CNTNAP2: variants seen among roughly 807,000 people sequenced by gnomAD.
CNTNAP2 encodes the protein contactin associated protein 2.
Under a neutral mutation model 155.2 loss-of-function variants are expected in CNTNAP2, and 98 were observed. That is an observed-to-expected ratio of 0.63 (90% CI 0.54 to 0.75). The LOEUF is 0.75. Among genes scored for constraint, CNTNAP2 ranks in the 30% least tolerant of loss-of-function variants. The pLI, the probability that CNTNAP2 is intolerant of heterozygous loss-of-function variation, is 0.00. For missense variants in CNTNAP2, 1,727 were observed against 1,688.1 expected (o/e 1.02, Z -0.40); for synonymous variants, 651 against 631.2 (o/e 1.03, Z -0.47).
intron 12 of CNTNAP2, among the ~76,000 whole-genome samples, chr7:147,600,816 C>A (rs934868771): frequency 8.5e-5 from 13 of 152,084 alleles, no homozygotes; most frequent in Admixed American, 7.9e-4. Context: ...TATTCACTAC[C>A]CCTAAACTAT....
chr7:146,158,047 A>G (rs1798156289), intron 1 of CNTNAP2, among the ~76,000 whole-genome samples: 1 of 152,196 alleles, frequency 6.6e-6, no homozygotes, highest in South Asian at 2.1e-4. Context: ...TTCCAGAGGA[A>G]AGATCAGGCA....
At chr7:148,182,480 A>G (rs1795055503) in intron 18 of CNTNAP2, among the ~76,000 whole-genome samples, 1 of 152,148 alleles carries the variant, frequency 6.6e-6, no homozygotes, top group Admixed American at 6.5e-5. Context: ...CGCGCTTATC[A>G]TTTCCAACAG....
chr7:147,951,192 G>C (rs749094497), intron 14 of CNTNAP2, among the ~76,000 whole-genome samples: 5 of 152,316 alleles, frequency 3.3e-5, no homozygotes, highest in African/African-American at 1.2e-4. Flanking sequence ...GAGCCTGGAA[G>C]ACGAAGAATG....
chr7:146,300,386 A>C (rs550410328), intron 1 of CNTNAP2, among the ~76,000 whole-genome samples: 1 of 151,602 alleles, frequency 6.6e-6, no homozygotes, highest in Non-Finnish European at 1.5e-5. Context: ...CCAATGGAAA[A>C]TTGGTACTCT....
chr7:147,472,874 C>T (rs1798249931), intron 10 of CNTNAP2, among the ~76,000 whole-genome samples: 3 of 152,168 alleles, frequency 2.0e-5, no homozygotes, highest in Admixed American at 2.0e-4. Flanking sequence ...AGCAATGCCT[C>T]TGATACCTCT....
rs1795228310 is a variant in CNTNAP2 at position 147,316,083 on chromosome 7, A to G, written c.1498+15793A>G. ...ATGAACATTAATTTACCTATTTTTG[A>G]TTGCACATATGTTTTTCTTTCTCTT... On this transcript the variant is annotated intron_variant, in intron 9 of 23. Transcript: ENST00000361727. 2.6e-5 allele frequency among the ~76,000 whole-genome samples: 4 copies of G among 152,032 alleles called. No individual in the cohort carries two copies. In the South Asian group the frequency reaches 6.2e-4, roughly 24 times the overall value.
chr7:146,757,381 G>A (rs922144813), intron 1 of CNTNAP2, among the ~76,000 whole-genome samples: 11 of 152,104 alleles, frequency 7.2e-5, no homozygotes, highest in African/African-American at 1.2e-4. Flanking sequence ...TCAGCATTTA[G>A]GGGTTTGTTT....
intron 1 of CNTNAP2, among the ~76,000 whole-genome samples, chr7:146,710,610 A>T (rs148651419): frequency 0.023 from 3,498 of 152,022 alleles, 80 homozygotes; most frequent in Non-Finnish European, 0.032. Flanking sequence ...CTATAGGAGC[A>T]CTCTGAGGCA....
chr7:148,108,714 T>A (rs1021946588), intron 15 of CNTNAP2, among the ~76,000 whole-genome samples: 1 of 152,056 alleles, frequency 6.6e-6, no homozygotes, highest in Non-Finnish European at 1.5e-5. Context: ...AATGGGGAGA[T>A]GGTCAAAGAG....
chr7:147,267,409 T>C (rs1804637296), intron 8 of CNTNAP2, among the ~76,000 whole-genome samples: 1 of 152,180 alleles, frequency 6.6e-6, no homozygotes, highest in South Asian at 2.1e-4. Context: ...TGAATAAGAT[T>C]AATTAATTTA....
rs1165388900 is a variant in CNTNAP2, at chr7:147,471,058, C to T, written c.1671-14877C>T. On this transcript the variant is annotated intron_variant, in intron 10 of 23. Transcript: ENST00000361727. ...AGAGTGCTTCAAGGTTAAATGCTGG[C>T]TGCTGATTAGATTTAACAATGTGGA... 2.6e-5 allele frequency among the ~76,000 whole-genome samples: 4 copies of T among 152,246 alleles called. No individual in the cohort carries two copies. In the East Asian group the frequency reaches 7.8e-4, roughly 30 times the overall value.
Position 147,752,699 on chromosome 7 carries a change from C to A in CNTNAP2, c.2098+113393C>A, listed in dbSNP as rs554006261. Among the ~76,000 whole-genome samples, 7 of 152,258 alleles carry A rather than the reference C, an allele frequency of 4.6e-5. No individual in the cohort carries two copies. The East Asian group carries it at 1.4e-3, about 29-fold the overall frequency. ...CGCTGAGGTCAGTTTTCATAGCAGT[C>A]CAATTCCAGATGTGATCATAGCGTC... is the stretch of plus-strand genomic sequence containing the variant. On this transcript the variant is annotated intron_variant, in intron 13 of 23. Coordinates refer to ENST00000361727, the MANE Select transcript of CNTNAP2 (RefSeq NM_014141.6).
chr7:146,472,757 A>G (rs1211004327), intron 1 of CNTNAP2, among the ~76,000 whole-genome samples: 1 of 151,878 alleles, frequency 6.6e-6, no homozygotes, highest in Non-Finnish European at 1.5e-5. Context: ...CGTAGTTGGT[A>G]TTTTGCAAGG....
intron 1 of CNTNAP2, among the ~76,000 whole-genome samples, chr7:146,375,349 G>GA (rs1439987716): frequency 6.6e-6 from 1 of 152,224 alleles, no homozygotes; most frequent in East Asian, 1.9e-4. Flanking sequence ...GACATGCGGA[G>GA]ACCAGAGCAG....
chr7:148,068,979 A>G (rs1803323591), intron 15 of CNTNAP2, among the ~76,000 whole-genome samples: 1 of 152,126 alleles, frequency 6.6e-6, no homozygotes. Flanking sequence ...CTGTCTCCTC[A>G]AGTAAGGAGC....
chr7:148,044,275 C>T lies in CNTNAP2; in HGVS notation c.2383+66286C>T, dbSNP rs1024428418. Reference sequence around the variant, plus strand: ...TCTAGCTCCGACCCAAGGGGGTTCCCGGGACGTGGTTGTGGATGTTCAGTG... The same window carrying T: ...TCTAGCTCCGACCCAAGGGGGTTCCTGGGACGTGGTTGTGGATGTTCAGTG... On this transcript the variant is annotated intron_variant, in intron 15 of 23. Transcript: ENST00000361727. 4.0e-5 allele frequency among the ~76,000 whole-genome samples: 6 copies of T among 150,598 alleles called. No individual in the cohort carries two copies. The South Asian group carries it at 6.3e-4, about 16-fold the overall frequency.
At chr7:148,284,651 A>C (rs1797049936) in intron 21 of CNTNAP2, among the ~76,000 whole-genome samples, 1 of 151,646 alleles carries the variant, frequency 6.6e-6, no homozygotes, top group East Asian at 1.9e-4. Context: ...TAGCATAAAG[A>C]CTGGCTGTCA....
chr7:148,118,275 G>A lies in CNTNAP2; in HGVS notation c.2541G>A (p.Lys847=), dbSNP rs746676806. 34 of 1,614,012 alleles carry A rather than the reference G, an allele frequency of 2.1e-5. No individual in the cohort carries two copies. Among genetic ancestry groups the A allele is most frequent in the Non-Finnish European group, 2.6e-5 (31 of 1,180,020 alleles). ...LENMGKEDFI[K]LELKSATEVS... is the part of the protein sequence containing the mutation. ...ATATGGGAAAGGAAGATTTCATCAA[G>A]CTGGAGCTGAAGTGTGAGTATAAGT... The change falls in exon 16 of 24, where the codon AAG becomes AAA. Residue 847 remains lysine (K), a synonymous_variant. Transcript: ENST00000361727.
At chr7:148,256,354 GAA>G (rs1158399720) in intron 20 of CNTNAP2, among the ~76,000 whole-genome samples, 3 of 152,090 alleles carry the variant, frequency 2.0e-5, no homozygotes, top group African/African-American at 7.2e-5. Flanking sequence ...CATCTTCAAA[GAA>G]ACCTCACAGA....
Sources: gnomAD v4.1 joint callset for allele counts (sites outside exome capture counted in the v4.1 genomes callset) on GRCh38, gnomAD v4.1.1 for gene constraint, MANE v1.5 for transcripts, NCBI Gene and HGNC (gene_info 2026-07-23, HGNC 2026-07-21) for gene names.